Variants in CDK12 observed in about 807,000 individuals in gnomAD.
CDK12 encodes cyclin-dependent kinase 12.
A neutral mutation model predicts 133.8 loss-of-function variants in CDK12; 17 were observed. The observed-to-expected ratio is 0.13, with a 90% confidence interval of 0.09 to 0.19. CDK12 has a LOEUF of 0.19. Among genes scored for constraint, CDK12 ranks in the 10% least tolerant of loss-of-function variants. The probability of loss-of-function intolerance (pLI) is 1.00; values close to 1 mark genes in which losing one functional copy is unlikely to be tolerated. For synonymous variants in CDK12, 694 were observed against 683.6 expected (o/e 1.02, Z -0.24); for missense variants, 1,508 against 1,818.7 (o/e 0.83, Z 3.11).
At chr17:39,465,118 C>T (rs1332125422) in intron 1 of CDK12, among the ~76,000 whole-genome samples, 1 of 151,630 alleles carries the variant, frequency 6.6e-6, no homozygotes, top group Admixed American at 6.6e-5. Context: ...TGGTGGCGTG[C>T]GCCTGTAGTC....
chr17:39,549,202 A>G (rs1054307418), upstream of CDK12: 2 of 152,136 alleles, frequency 1.3e-5, no homozygotes, highest in Non-Finnish European at 2.9e-5. Context: ...GCTTGGGGCC[A>G]GAGGGCTTTG....
In CDK12 at chr17:39,461,913, G is replaced by T; in HGVS notation, c.-159G>T. 1.6e-6 allele frequency: 1 copy of T among 622,172 alleles called. No individual in the cohort carries two copies. The highest frequency in any genetic ancestry group is 2.9e-6 in the Non-Finnish European group (1 of 348,856). The allele number at this position is 622,172 out of a possible 1,614,324, so 38.5% of individuals were successfully genotyped here. ...ACCTCATGTAGAAGGGTGCTGAGGCGTCGGGAGGGAGGAGGAGCCTGGGCT... is the reference window on the plus strand; with the variant it reads ...ACCTCATGTAGAAGGGTGCTGAGGCTTCGGGAGGGAGGAGGAGCCTGGGCT... On this transcript the variant is annotated 5_prime_UTR_variant, in exon 1 of 14. Transcript: ENST00000447079.
intron 8 of CDK12, 104 bp from the exon 9 acceptor site, chr17:39,515,627 A>G (rs1189063402): frequency 1.5e-6 from 1 of 667,026 alleles, no homozygotes; most frequent in Non-Finnish European, 2.6e-6. Flanking sequence ...GGGGCTATTT[A>G]TCTTGGTTGC....
chr17:39,549,986 C>T (rs931134375), upstream of CDK12: 6 of 151,376 alleles, frequency 4.0e-5, no homozygotes, highest in Admixed American at 3.3e-4. Context: ...CTCCCTCATG[C>T]TTTCTCTCTC....
At chr17:39,513,109 A>G (rs1374570693) in intron 8 of CDK12, among the ~76,000 whole-genome samples, 1 of 152,108 alleles carries the variant, frequency 6.6e-6, no homozygotes, top group African/African-American at 2.4e-5. Flanking sequence ...CCATTTCTCT[A>G]AGGAGTCTTA....
In CDK12 at chr17:39,515,810, T is replaced by TA. The variant is rs771301418; in HGVS notation, c.2846+3dup. The TA allele has an allele frequency of 6.2e-7, 1 of 1,607,398 alleles. No individual in the cohort carries two copies. Among genetic ancestry groups the TA allele is most frequent in the South Asian group, 1.1e-5 (1 of 90,398 alleles). On this transcript the variant is annotated splice_region_variant and intron_variant, in intron 9 of 13. Transcript: ENST00000447079. ...ACTGGCTCAGCTAGAACTGATCAGGTACAGCTGTACATGTGCTCTTGAGTG... is the reference window on the plus strand; with the variant it reads ...ACTGGCTCAGCTAGAACTGATCAGGTAACAGCTGTACATGTGCTCTTGAGTG...
downstream of CDK12, among the ~76,000 whole-genome samples, chr17:39,537,419 T>C (rs2055181587): frequency 6.6e-6 from 1 of 152,182 alleles, no homozygotes; most frequent in African/African-American, 2.4e-5. Flanking sequence ...ATTTATAATT[T>C]CTGTTAGGGG....
At chr17:39,493,606 T>C (rs958741601) in intron 4 of CDK12, among the ~76,000 whole-genome samples, 3 of 152,148 alleles carry the variant, frequency 2.0e-5, no homozygotes, top group African/African-American at 7.2e-5. Context: ...ATTACAGGCA[T>C]GAGCCACCAC....
chr17:39,507,561 A>G (rs2053216116), intron 6 of CDK12, among the ~76,000 whole-genome samples: 3 of 152,130 alleles, frequency 2.0e-5, no homozygotes, highest in Admixed American at 1.3e-4. Flanking sequence ...TCTTAAAAAA[A>G]AAAAAGTGCT....
chr17:39,494,491 A>T, intron 4 of CDK12, 33 bp from the exon 5 acceptor site: 1 of 1,603,950 alleles, frequency 6.2e-7, no homozygotes, highest in Non-Finnish European at 8.5e-7. Context: ...AAAAATGCTC[A>T]TTGATAATAA....
chr17:39,472,022 C>A (rs751943418), intron 2 of CDK12, among the ~76,000 whole-genome samples: 4 of 152,058 alleles, frequency 2.6e-5, no homozygotes, highest in African/African-American at 9.7e-5. Context: ...CTTGCTCTGT[C>A]GCCCAGGCTG....
chr17:39,511,723 C>T (rs1327022705), intron 8 of CDK12, 93 bp downstream of exon 8: 2 of 651,196 alleles, frequency 3.1e-6, no homozygotes, highest in Admixed American at 2.8e-5. Flanking sequence ...TAGAGCTCTT[C>T]TTAAGTTCAG....
At chr17:39,519,342 G>A (rs35929798) in intron 10 of CDK12, among the ~76,000 whole-genome samples, 5,905 of 104,048 alleles carry the variant, frequency 0.057, 456 homozygotes, top group African/African-American at 0.21. Flanking sequence ...GTCTCACTCT[G>A]TCACCTAGGC....
intron 8 of CDK12, among the ~76,000 whole-genome samples, chr17:39,515,110 G>A (rs529137643): frequency 6.6e-6 from 1 of 152,298 alleles, no homozygotes; most frequent in Non-Finnish European, 1.5e-5. Flanking sequence ...CTACTTGGAA[G>A]GCTGAGGCAG....
upstream of CDK12, among the ~76,000 whole-genome samples, chr17:39,547,337 T>C (rs1256638205): frequency 1.3e-5 from 2 of 152,054 alleles, no homozygotes; most frequent in African/African-American, 4.8e-5. Flanking sequence ...GGTTTCTCCA[T>C]GATGATGAGG....
At chr17:39,486,417 C>T (rs2051138135) in intron 2 of CDK12, among the ~76,000 whole-genome samples, 1 of 151,878 alleles carries the variant, frequency 6.6e-6, no homozygotes, top group South Asian at 2.1e-4. Context: ...AAGTGCATGC[C>T]ACCACTCCCA....
chr17:39,512,886 G>T (rs1395913847), intron 8 of CDK12, among the ~76,000 whole-genome samples: 1 of 152,108 alleles, frequency 6.6e-6, no homozygotes, highest in Non-Finnish European at 1.5e-5. Context: ...GTTTTATTAT[G>T]AATTCTTGGA....
intron 6 of CDK12, among the ~76,000 whole-genome samples, chr17:39,503,856 A>G (rs559779657): frequency 6.6e-6 from 1 of 152,340 alleles, no homozygotes; most frequent in South Asian, 2.1e-4. Flanking sequence ...AGAGAAGAGC[A>G]GAGTTGGATT....
Position 39,526,286 on chromosome 17 carries a change from A to G in CDK12, c.3730A>G (p.Thr1244Ala). 6.2e-7 allele frequency: 1 copy of G among 1,600,170 alleles called. No homozygotes were observed. The highest frequency in any genetic ancestry group is 8.5e-7 in the Non-Finnish European group (1 of 1,174,064). The change falls in exon 13 of 14, where the codon ACT becomes GCT. Residue 1244 changes from threonine to alanine, a missense_variant. Transcript: ENST00000447079. ...CAGTGGGCCACAGGGGCCCCGAAGA[A>G]CTCCCACAATGCCACAGGAGGAGGC... Reference protein sequence around the residue: ...KNSGPQGPRRTPTMPQEEAAA... With the variant: ...KNSGPQGPRRAPTMPQEEAAA...
Sources: gnomAD v4.1 joint callset for allele counts (sites outside exome capture counted in the v4.1 genomes callset) on GRCh38, gnomAD v4.1.1 for gene constraint, MANE v1.5 for transcripts, NCBI Gene and HGNC (gene_info 2026-07-23, HGNC 2026-07-21) for gene names.